The following MGAT4C variants were observed in gnomAD, a reference collection of about 807,000 sequenced individuals.
MGAT4C encodes the protein alpha-1,3-mannosyl-glycoprotein 4-beta-N-acetylglucosaminyltransferase C.
Under a neutral mutation model 40.1 loss-of-function variants are expected in MGAT4C, and 19 were observed. That is an observed-to-expected ratio of 0.47 (90% CI 0.33 to 0.70). The LOEUF is 0.70. Ranked by LOEUF, MGAT4C falls within the 30% of genes least tolerant of loss-of-function variation. The pLI is 0.02. For synonymous variants in MGAT4C, 181 were observed against 187.1 expected, an observed-to-expected ratio of 0.97 and a Z score of 0.27; for missense variants, 491 against 563.2, an observed-to-expected ratio of 0.87 and a Z score of 1.30.
intron 3 of MGAT4C, among the ~76,000 whole-genome samples, chr12:86,359,834 A>G (rs1026401870): frequency 9.2e-5 from 14 of 152,352 alleles, no homozygotes; most frequent in African/African-American, 3.1e-4. Context: ...TGAGGCCATA[A>G]TTAATCACCT....
intron 1 of MGAT4C, among the ~76,000 whole-genome samples, chr12:86,758,723 T>G (rs2136149500): frequency 6.6e-6 from 1 of 152,246 alleles, no homozygotes; most frequent in Admixed American, 6.5e-5. Flanking sequence ...TATATGGTGG[T>G]TATTTTGTTA....
At chr12:86,537,442 A>G (rs1211088213) in intron 2 of MGAT4C, among the ~76,000 whole-genome samples, 1 of 152,180 alleles carries the variant, frequency 6.6e-6, no homozygotes, top group Admixed American at 6.5e-5. Flanking sequence ...TCTCTTTAAT[A>G]GTAAATGATA....
intron 3 of MGAT4C, among the ~76,000 whole-genome samples, chr12:86,372,076 T>C (rs1955726246): frequency 6.6e-6 from 1 of 151,930 alleles, no homozygotes; most frequent in African/African-American, 2.4e-5. Context: ...TAAAATTTTA[T>C]GTATAGTAAT....
intron 4 of MGAT4C, among the ~76,000 whole-genome samples, chr12:86,277,986 A>G (rs1447214361): frequency 6.6e-6 from 1 of 152,154 alleles, no homozygotes; most frequent in Non-Finnish European, 1.5e-5. Context: ...TGCTTTGAGT[A>G]GTATGGACAT....
chr12:86,291,604 A>G (rs950823154), intron 4 of MGAT4C, among the ~76,000 whole-genome samples: 3 of 152,108 alleles, frequency 2.0e-5, no homozygotes, highest in African/African-American at 7.2e-5. Flanking sequence ...GTTGTTATTG[A>G]TATTAGTGTA....
intron 1 of MGAT4C, among the ~76,000 whole-genome samples, chr12:86,216,636 C>T (rs1950684870): frequency 6.6e-6 from 1 of 151,878 alleles, no homozygotes; most frequent in African/African-American, 2.4e-5. Context: ...ATAATATTGC[C>T]AAATTAAAAT....
intron 1 of MGAT4C, among the ~76,000 whole-genome samples, chr12:86,142,961 C>T (rs1194128009): frequency 6.6e-6 from 1 of 152,062 alleles, no homozygotes; most frequent in Non-Finnish European, 1.5e-5. Flanking sequence ...GAAGAGGCTC[C>T]AGAGAACCCA....
rs556294527 is a variant in MGAT4C, at chr12:86,527,019, G to T, written c.-228-91754C>A. On this transcript the variant is annotated intron_variant, in intron 2 of 7. Transcript: ENST00000548651. Reference sequence around the variant, plus strand: ...GGGTTCCCAGCTTCCTCCTCCTTCAGTCCAACTTCTGTGTCTTCCCTCTGT... The same window carrying T: ...GGGTTCCCAGCTTCCTCCTCCTTCATTCCAACTTCTGTGTCTTCCCTCTGT... 2.0e-4 allele frequency among the ~76,000 whole-genome samples: 30 copies of T among 152,248 alleles called. No homozygotes were observed. The East Asian group carries it at 5.8e-3, about 30-fold the overall frequency.
intron 3 of MGAT4C, among the ~76,000 whole-genome samples, chr12:86,426,816 G>A (rs942204710): frequency 1.3e-5 from 2 of 152,042 alleles, no homozygotes; most frequent in African/African-American, 2.4e-5. Flanking sequence ...GTGTGGTGGC[G>A]GGCGCCTGTA....
At chr12:86,511,564 A>T (rs1391688826) in intron 2 of MGAT4C, among the ~76,000 whole-genome samples, 1 of 152,190 alleles carries the variant, frequency 6.6e-6, no homozygotes, top group African/African-American at 2.4e-5. Context: ...ATTTATACCA[A>T]TGGAACAGAA....
At chr12:86,223,968 C>T (rs1441760352) in intron 1 of MGAT4C, among the ~76,000 whole-genome samples, 1 of 152,156 alleles carries the variant, frequency 6.6e-6, no homozygotes, top group Non-Finnish European at 1.5e-5. Context: ...CACCAGATGC[C>T]CAGGGTGCTG....
intron 4 of MGAT4C, among the ~76,000 whole-genome samples, chr12:86,306,820 T>C (rs1953944041): frequency 7.0e-6 from 1 of 142,520 alleles, no homozygotes; most frequent in African/African-American, 2.7e-5. Flanking sequence ...AATAAGATGA[T>C]TGAACTATAG....
chr12:86,288,968 T>C (rs2136125957), intron 4 of MGAT4C, among the ~76,000 whole-genome samples: 1 of 152,270 alleles, frequency 6.6e-6, no homozygotes, highest in Admixed American at 6.5e-5. Context: ...CTGATGTCTT[T>C]GTCATGAAAT....
intron 3 of MGAT4C, among the ~76,000 whole-genome samples, chr12:86,405,360 C>T (rs372785724): frequency 7.9e-5 from 12 of 151,606 alleles, no homozygotes; most frequent in Middle Eastern, 3.4e-3. Flanking sequence ...TAGTGGACAC[C>T]AAAACTAAAA....
chr12:86,801,225 C>T (rs985104644), intron 1 of MGAT4C, among the ~76,000 whole-genome samples: 2 of 151,800 alleles, frequency 1.3e-5, no homozygotes, highest in Non-Finnish European at 2.9e-5. Context: ...CTTGTCTAAA[C>T]GTCATATATT....
intron 2 of MGAT4C, among the ~76,000 whole-genome samples, chr12:86,048,649 T>G (rs1014596588): frequency 6.6e-6 from 1 of 151,982 alleles, no homozygotes; most frequent in Non-Finnish European, 1.5e-5. Context: ...TTAAAGGAGA[T>G]GCTGACTGAG....
At chr12:86,725,174 C>T (rs1179862808) in intron 2 of MGAT4C, among the ~76,000 whole-genome samples, 4 of 152,162 alleles carry the variant, frequency 2.6e-5, no homozygotes, top group Non-Finnish European at 5.9e-5. Context: ...AAAGAAAGTA[C>T]TTAAACTGAG....
At chr12:86,567,927 G>A (rs1465363818) in intron 2 of MGAT4C, among the ~76,000 whole-genome samples, 1 of 152,088 alleles carries the variant, frequency 6.6e-6, no homozygotes, top group Admixed American at 6.6e-5. Context: ...ACAGCACTTA[G>A]GTTAAAGATT....
chr12:86,141,238 C>T (rs952422087), intron 1 of MGAT4C, among the ~76,000 whole-genome samples: 7 of 152,072 alleles, frequency 4.6e-5, no homozygotes, highest in African/African-American at 1.7e-4. Context: ...AGTTAACACA[C>T]AGAGTAGATA....
Sources: allele counts gnomAD v4.1 joint callset (sites outside exome capture counted in the v4.1 genomes callset), GRCh38; gene constraint gnomAD v4.1.1; transcripts MANE v1.5; gene names NCBI Gene and HGNC (gene_info 2026-07-23, HGNC 2026-07-21).